The following CHL1 variants were observed in gnomAD, a reference collection of about 807,000 sequenced individuals.
The protein encoded by CHL1 is cell adhesion molecule L1 like, also known as neural cell adhesion molecule L1-like protein.
CHL1 carries 96 observed loss-of-function variants against 141.9 expected under a neutral mutation model. That is an observed-to-expected ratio of 0.68 (90% CI 0.57 to 0.80). The LOEUF (loss-of-function observed/expected upper bound fraction) is 0.80. Ranked by LOEUF, CHL1 falls within the 30% of genes least tolerant of loss-of-function variation. The probability of loss-of-function intolerance (pLI) is 0.00; values close to 1 mark genes in which losing one functional copy is unlikely to be tolerated. For missense variants in CHL1, 1,820 were observed against 1,457.2 expected, an observed-to-expected ratio of 1.25 and a Z score of -4.05; for synonymous variants, 613 against 502.2, an observed-to-expected ratio of 1.22 and a Z score of -2.95.
intron 2 of CHL1, among the ~76,000 whole-genome samples, chr3:316,730 T>C (rs1051727008): frequency 3.3e-5 from 5 of 151,880 alleles, no homozygotes; most frequent in African/African-American, 9.7e-5. Flanking sequence ...CCACATTGTA[T>C]GCCTGTATCA....
At chr3:321,663 C>T (rs1478120971) in intron 3 of CHL1, among the ~76,000 whole-genome samples, 2 of 152,052 alleles carry the variant, frequency 1.3e-5, no homozygotes, top group Admixed American at 1.3e-4. Flanking sequence ...ATTCCTGGCC[C>T]ACATTTTTAT....
At chr3:356,257 C>A (rs537872771) in intron 11 of CHL1, among the ~76,000 whole-genome samples, 4 of 152,142 alleles carry the variant, frequency 2.6e-5, no homozygotes, top group Admixed American at 6.5e-5. Flanking sequence ...AAGTAAGGAA[C>A]GCAGATTCTC....
chr3:314,208 G>A (rs1220436415), intron 2 of CHL1, among the ~76,000 whole-genome samples: 1 of 150,902 alleles, frequency 6.6e-6, no homozygotes, highest in Non-Finnish European at 1.5e-5. Flanking sequence ...GATTTCCAAA[G>A]ACTGAATAAA....
intron 5 of CHL1, among the ~76,000 whole-genome samples, chr3:328,888 T>G (rs1701219313): frequency 1.3e-5 from 2 of 152,154 alleles, no homozygotes. Context: ...CAAGAAGTTA[T>G]GCAGGCAACT....
chr3:206,271 C>G (rs1318250892), intron 1 of CHL1, among the ~76,000 whole-genome samples: 1 of 151,918 alleles, frequency 6.6e-6, no homozygotes, highest in Non-Finnish European at 1.5e-5. Flanking sequence ...AGTTTGAGGC[C>G]AGCCTGGCCA....
In CHL1 at chr3:200,374, T is replaced by C. The variant is rs1698806779; in HGVS notation, c.-175+3311T>C. ...GGGACCTAATTGAAATGCAAAGGTATAATCAAGAGAATGAACTTGTCTCTG... is the reference window on the plus strand; with the variant it reads ...GGGACCTAATTGAAATGCAAAGGTACAATCAAGAGAATGAACTTGTCTCTG... On this transcript the variant is annotated intron_variant, in intron 1 of 27. Transcript: ENST00000256509. Among the ~76,000 whole-genome samples, 3 of 152,180 alleles carry C rather than the reference T, an allele frequency of 2.0e-5. No individual in the cohort carries two copies. The South Asian group carries it at 6.2e-4, about 31-fold the overall frequency.
chr3:242,370 G>T (rs1559324790), intron 1 of CHL1, among the ~76,000 whole-genome samples: 3 of 145,006 alleles, frequency 2.1e-5, no homozygotes, highest in African/African-American at 7.7e-5. Flanking sequence ...GCTGAGGGGG[G>T]CAGATCACGA....
intron 2 of CHL1, among the ~76,000 whole-genome samples, chr3:271,976 G>A (rs982952022): frequency 6.6e-6 from 1 of 152,132 alleles, no homozygotes; most frequent in African/African-American, 2.4e-5. Flanking sequence ...ATACTCTTTT[G>A]ATAGGTGCTG....
chr3:310,773 T>C (rs1173996841), intron 2 of CHL1, among the ~76,000 whole-genome samples: 1 of 152,210 alleles, frequency 6.6e-6, no homozygotes, highest in Non-Finnish European at 1.5e-5. Flanking sequence ...CATTCGGGTT[T>C]CTTTTGGTGT....
At chr3:337,921 A>G (rs560064195) in intron 5 of CHL1, among the ~76,000 whole-genome samples, 4 of 152,272 alleles carry the variant, frequency 2.6e-5, no homozygotes, top group East Asian at 3.9e-4. Flanking sequence ...TGGTATTTCT[A>G]GTTCTAGATC....
chr3:405,657 G>A lies in CHL1; in HGVS notation c.3621G>A (p.Lys1207=). The A allele has an allele frequency of 6.2e-7, 1 of 1,613,514 alleles. No individual in the cohort carries two copies. Among genetic ancestry groups the A allele is most frequent in the East Asian group, 2.2e-5 (1 of 44,864 alleles). Residue 1207 remains lysine, a synonymous_variant, in exon 28 of 28, where the codon AAG becomes AAA. Transcript: ENST00000256509. ...GTGCCTACGCTGGATCTAAGGAGAA[G>A]GGATCTGTTGAAAGCAATGGAAGTT... The part of the protein sequence containing the change: ...FIGAYAGSKE[K]GSVESNGSST...
chr3:309,985 G>T (rs899615967), intron 2 of CHL1, among the ~76,000 whole-genome samples: 6 of 152,122 alleles, frequency 3.9e-5, no homozygotes, highest in Non-Finnish European at 8.8e-5. Context: ...ATAAGGGACA[G>T]ACCTTTCAGC....
intron 2 of CHL1, among the ~76,000 whole-genome samples, chr3:264,460 T>C (rs897727004): frequency 6.6e-6 from 1 of 152,172 alleles, no homozygotes; most frequent in Non-Finnish European, 1.5e-5. Context: ...TGAGAATACT[T>C]GCTGGGAATT....
At chr3:223,810 G>A (rs1701080658) in intron 1 of CHL1, among the ~76,000 whole-genome samples, 1 of 152,180 alleles carries the variant, frequency 6.6e-6, no homozygotes, top group African/African-American at 2.4e-5. Flanking sequence ...TAGGGAATGG[G>A]AAATGCTGAT....
At chr3:224,951 C>A (rs1465081097) in intron 1 of CHL1, among the ~76,000 whole-genome samples, 3 of 151,018 alleles carry the variant, frequency 2.0e-5, no homozygotes, top group Non-Finnish European at 4.4e-5. Flanking sequence ...GCCTGGCCAA[C>A]ATGGTGACAC....
chr3:297,258 G>A (rs1341039007), intron 2 of CHL1, among the ~76,000 whole-genome samples: 1 of 152,034 alleles, frequency 6.6e-6, no homozygotes, highest in Non-Finnish European at 1.5e-5. Context: ...AAATATAAGG[G>A]ATAAGTAGAG....
rs1207696188 is a variant in CHL1, at chr3:398,373, A to G, written c.3241A>G (p.Thr1081Ala). The G allele has an allele frequency of 1.3e-6, 2 of 1,598,594 alleles. No homozygotes were observed. The highest frequency in any genetic ancestry group is 1.3e-5 in the African/African-American group (1 of 74,714). Residue 1081 changes from threonine to alanine, a missense_variant, in exon 25 of 28, where the codon ACA becomes GCA. Thr to Ala is a moderately conservative substitution (Grantham distance 58). Coordinates refer to ENST00000256509, the MANE Select transcript of CHL1 (RefSeq NM_006614.4). ...TAGCATTTTTCAAGATGTAATTGAG[A>G]CAAGAGGGAGAGGTGAGAAATGAGA... The part of the protein sequence containing the change: ...NDSIFQDVIE[T>A]RGREYAGLYD...
At position 389,471 on chromosome 3, in the gene CHL1, G is replaced by A; in HGVS notation, c.2467G>A (p.Asp823Asn). ...GTCAGTGACTCTCTATTCTGGAGAA[G>A]ACTGTAAGTGATGCACCTAAAACTG... ...PQSVTLYSGE[D>N]YPDTAPVIHG... The change falls in exon 20 of 28, where the codon GAC becomes AAC. Residue 823 changes from aspartate (D) to asparagine (N), a missense_variant. Transcript: ENST00000256509. 6.2e-7 allele frequency: 1 copy of A among 1,612,262 alleles called. No individual in the cohort carries two copies. Among genetic ancestry groups the A allele is most frequent in the Non-Finnish European group, 8.5e-7 (1 of 1,178,434 alleles).
At chr3:391,250 C>T (rs369239602) in intron 22 of CHL1, 91 bp downstream of exon 22, 3 of 1,039,622 alleles carry the variant, frequency 2.9e-6, no homozygotes, top group South Asian at 1.4e-5. Flanking sequence ...CACAGTGGCT[C>T]ATGCCTGTAA....
Sources: allele counts gnomAD v4.1 joint callset (sites outside exome capture counted in the v4.1 genomes callset), GRCh38; gene constraint gnomAD v4.1.1; transcripts MANE v1.5; gene names NCBI Gene and HGNC (gene_info 2026-07-23, HGNC 2026-07-21).